The following GRM5 variants were observed in gnomAD, a reference collection of about 807,000 sequenced individuals.
GRM5 encodes metabotropic glutamate receptor 5.
In GRM5, 19 loss-of-function variants were observed where a neutral mutation model predicts 83.1. That is an observed-to-expected ratio of 0.23 (90% CI 0.16 to 0.34). The LOEUF is 0.34. GRM5 is among the 10% of genes least tolerant of loss of function. The pLI is 1.00. For synonymous variants in GRM5, 675 were observed against 633.6 expected, an observed-to-expected ratio of 1.07 and a Z score of -0.98; for missense variants, 1,160 against 1,588.3, an observed-to-expected ratio of 0.73 and a Z score of 4.58.
At chr11:88,577,326 A>C (rs1943133248) in intron 7 of GRM5, among the ~76,000 whole-genome samples, 1 of 152,146 alleles carries the variant, frequency 6.6e-6, no homozygotes, top group Non-Finnish European at 1.5e-5. Flanking sequence ...TGTTTATTAC[A>C]GAAAGAAAAT....
rs977585735 is a variant in GRM5, at chr11:88,509,266, C to T, written c.2965G>A (p.Gly989Arg). The T allele has an allele frequency of 1.2e-5, 17 of 1,473,568 alleles. No individual in the cohort carries two copies. Among genetic ancestry groups the T allele is most frequent in the Non-Finnish European group, 1.5e-5 (17 of 1,117,112 alleles). 91.3% of individuals were successfully genotyped at this position (1,473,568 alleles called of 1,614,324 possible). Residue 989 changes from glycine to arginine, a missense_variant, in exon 10 of 10, where the codon GGG becomes AGG. Physicochemically the swap from Gly to Arg is moderately radical, Grantham distance 125. This residue lies in a region of GRM5 where 562 missense variants were observed against 532.4 expected (regional missense o/e 1.06). Coordinates refer to ENST00000305447, the MANE Select transcript of GRM5 (RefSeq NM_001143831.3). ...GGGCCGGCGTCTGGGGACTCGGGCC[C>T]GCCTGGGCCGGCGCCTGCGCAGCCC... ...GAGCAGAGPG[G>R]PESPDAGPKA...
At chr11:88,854,330 C>T (rs990429702) in intron 2 of GRM5, among the ~76,000 whole-genome samples, 7 of 151,438 alleles carry the variant, frequency 4.6e-5, no homozygotes, top group East Asian at 1.9e-4. Flanking sequence ...GTCTAGGGGG[C>T]GTCACTCTAA....
At chr11:89,055,770 T>C (rs1233541785) in intron 1 of GRM5, among the ~76,000 whole-genome samples, 2 of 152,106 alleles carry the variant, frequency 1.3e-5, no homozygotes, top group Non-Finnish European at 2.9e-5. Context: ...TATAAGTTCA[T>C]TTGGATGATG....
chr11:89,039,389 C>T (rs1941474172), intron 2 of GRM5, among the ~76,000 whole-genome samples: 1 of 152,048 alleles, frequency 6.6e-6, no homozygotes, highest in Admixed American at 6.5e-5. Context: ...AGTCCAACAT[C>T]GTTCTTTCCT....
rs1477385692 is a variant in GRM5 at position 88,508,438 on chromosome 11, T to A, written c.*154A>T. On this transcript the variant is annotated 3_prime_UTR_variant, in exon 10 of 10. Coordinates refer to ENST00000305447, the MANE Select transcript of GRM5 (RefSeq NM_001143831.3). This position sits in a 1 kb window ranked among gnomAD's most constrained non-coding sequence, Gnocchi z 4.2. ...TCGTCGGTTTCTTCGTCGGTTGTCA[T>A]GAGATAGCACTACTGATCTCGTGTT... 1.9e-6 allele frequency: 1 copy of A among 525,586 alleles called. No individual in the cohort carries two copies. Among genetic ancestry groups the A allele is most frequent in the African/African-American group, 2.0e-5 (1 of 49,772 alleles). The allele number at this position is 525,586 out of a possible 1,614,324, so 32.6% of individuals were successfully genotyped here.
chr11:89,012,331 A>C (rs1940724243), intron 2 of GRM5, among the ~76,000 whole-genome samples: 1 of 152,188 alleles, frequency 6.6e-6, no homozygotes, highest in African/African-American at 2.4e-5. Context: ...ATGCCAATGA[A>C]GTAGGTGCCC....
At chr11:89,008,089 T>G (rs553873574) in intron 2 of GRM5, among the ~76,000 whole-genome samples, 1 of 152,108 alleles carries the variant, frequency 6.6e-6, no homozygotes, top group East Asian at 1.9e-4. Context: ...CAATTATATG[T>G]TTTTTTTCTG....
At chr11:88,938,216 A>G (rs1399333982) in intron 2 of GRM5, among the ~76,000 whole-genome samples, 1 of 151,746 alleles carries the variant, frequency 6.6e-6, no homozygotes, top group Admixed American at 6.6e-5. Flanking sequence ...GCTGGGAGGA[A>G]CCAAATATTT....
chr11:88,555,020 C>T (rs1476842023), intron 8 of GRM5, among the ~76,000 whole-genome samples: 1 of 152,142 alleles, frequency 6.6e-6, no homozygotes, highest in Non-Finnish European at 1.5e-5. Context: ...GCTTACCAGT[C>T]ATGGTACTGT....
chr11:89,056,181 T>TTCTG (rs1408617058), intron 1 of GRM5, among the ~76,000 whole-genome samples: 5 of 152,194 alleles, frequency 3.3e-5, no homozygotes, highest in African/African-American at 1.2e-4. Context: ...AAGATGATAT[T>TTCTG]TCTGGCATAA....
At chr11:88,684,704 T>C (rs1205275710) in intron 3 of GRM5, among the ~76,000 whole-genome samples, 2 of 152,218 alleles carry the variant, frequency 1.3e-5, no homozygotes, top group African/African-American at 4.8e-5. Context: ...TGGTGGGAGA[T>C]AATTTGAATC....
intron 8 of GRM5, among the ~76,000 whole-genome samples, chr11:88,560,293 T>A (rs1942725557): frequency 6.6e-6 from 1 of 152,178 alleles, no homozygotes; most frequent in African/African-American, 2.4e-5. Context: ...ACATTATTTC[T>A]AATTTCGGGC....
At chr11:88,796,636 A>G (rs1943280568) in intron 3 of GRM5, among the ~76,000 whole-genome samples, 1 of 152,160 alleles carries the variant, frequency 6.6e-6, no homozygotes, top group South Asian at 2.1e-4. Context: ...ACTGATTTTC[A>G]TTAAGCATGG....
intron 2 of GRM5, among the ~76,000 whole-genome samples, chr11:89,015,699 G>A (rs1204876867): frequency 1.3e-5 from 2 of 152,144 alleles, no homozygotes; most frequent in Non-Finnish European, 2.9e-5. Flanking sequence ...AAGTACTTTG[G>A]AGGATGTACA....
intron 2 of GRM5, among the ~76,000 whole-genome samples, chr11:88,906,802 C>G (rs556318139): frequency 6.6e-5 from 10 of 152,206 alleles, no homozygotes; most frequent in Non-Finnish European, 1.2e-4. Context: ...AATGGAAACT[C>G]CATTGAGCCA....
chr11:88,966,893 T>C (rs1938992374), intron 2 of GRM5, among the ~76,000 whole-genome samples: 1 of 152,082 alleles, frequency 6.6e-6, no homozygotes, highest in Admixed American at 6.6e-5. Flanking sequence ...GGAATAAACA[T>C]GAAGCATAAT....
At chr11:88,889,008 G>A (rs1446115649) in intron 2 of GRM5, among the ~76,000 whole-genome samples, 1 of 152,172 alleles carries the variant, frequency 6.6e-6, no homozygotes, top group Non-Finnish European at 1.5e-5. Context: ...GACTTCTTAT[G>A]CTAAGTCAGT....
intron 3 of GRM5, among the ~76,000 whole-genome samples, chr11:88,828,557 T>G (rs1235457894): frequency 1.3e-5 from 2 of 152,066 alleles, no homozygotes; most frequent in African/African-American, 4.8e-5. Context: ...TTCTAAATAG[T>G]AAAATAACAA....
At chr11:88,968,439 T>A (rs1019907911) in intron 2 of GRM5, among the ~76,000 whole-genome samples, 7 of 152,078 alleles carry the variant, frequency 4.6e-5, no homozygotes, top group Non-Finnish European at 8.8e-5. Context: ...TCCCGACTGT[T>A]TGGGAGGCCA....
Sources: allele counts gnomAD v4.1 joint callset (sites outside exome capture counted in the v4.1 genomes callset), GRCh38; gene constraint gnomAD v4.1.1; regional missense constraint gnomAD v4.1.1; non-coding constraint Gnocchi (gnomAD v3.1); transcripts MANE v1.5; gene names NCBI Gene and HGNC (gene_info 2026-07-23, HGNC 2026-07-21).